PKHD1: variants seen among roughly 807,000 people sequenced by gnomAD.
PKHD1 encodes PKHD1 ciliary IPT domain containing fibrocystin/polyductin, also known as fibrocystin.
PKHD1 carries 291 observed loss-of-function variants against 412.0 expected under a neutral mutation model. That is an observed-to-expected ratio of 0.71 (90% CI 0.64 to 0.78). PKHD1 has a LOEUF of 0.78. Among genes scored for constraint, PKHD1 ranks in the 30% least tolerant of loss-of-function variants. PKHD1 has a pLI of 0.00. For synonymous variants in PKHD1, 1,777 were observed against 1,821.5 expected, an observed-to-expected ratio of 0.98 and a Z score of 0.62; for missense variants, 4,825 against 4,950.7, an observed-to-expected ratio of 0.97 and a Z score of 0.76.
intron 60 of PKHD1, among the ~76,000 whole-genome samples, chr6:51,671,335 C>T (rs997061778): frequency 9.9e-5 from 15 of 152,194 alleles, no homozygotes; most frequent in African/African-American, 3.1e-4. Context: ...TCCAGTTGAT[C>T]GCATCAGCTC....
chr6:52,010,175 A>C (rs1387914324), intron 35 of PKHD1, 134 bp downstream of exon 35: 1 of 741,260 alleles, frequency 1.3e-6, no homozygotes, highest in Admixed American at 2.2e-5. Context: ...GCATTAGACC[A>C]GCTTCTCAAA....
chr6:51,685,004 C>T (rs1777222396), intron 60 of PKHD1, among the ~76,000 whole-genome samples: 1 of 152,090 alleles, frequency 6.6e-6, no homozygotes, highest in African/African-American at 2.4e-5. Context: ...GGAAGTTTAT[C>T]ATTTCACCAA....
At chr6:51,634,793 C>T (rs1052945234) in intron 64 of PKHD1, among the ~76,000 whole-genome samples, 5 of 152,146 alleles carry the variant, frequency 3.3e-5, no homozygotes, top group East Asian at 3.9e-4. Context: ...AGGAGACTTA[C>T]GCAGGAAAGT....
At position 52,058,469 on chromosome 6, in the gene PKHD1, C is replaced by A; in HGVS notation, c.1366G>T (p.Ala456Ser). ...LLGGAMYYLEAEHHGIAPSRG... is the reference protein window; with the variant it reads ...LLGGAMYYLESEHHGIAPSRG... ...CTTGGGGCTATCCCATGATGCTCTG[C>A]TTCCAGGTAGTACATGGCTCCACCC... Residue 456 changes from alanine (A) to serine (S), a missense_variant, in exon 16 of 67, where the codon GCA becomes TCA. Transcript: ENST00000371117. The A allele has an allele frequency of 6.2e-7, 1 of 1,614,188 alleles. No homozygotes were observed. Among genetic ancestry groups the A allele is most frequent in the African/African-American group, 1.3e-5 (1 of 75,056 alleles).
chr6:51,989,901 GAGGAAGGA>G (rs1562072321), intron 35 of PKHD1, among the ~76,000 whole-genome samples: 5 of 2,724 alleles, frequency 1.8e-3, no homozygotes, highest in South Asian at 0.02. Flanking sequence ...AGGAAGGAGG[GAGGAAGGA>G]AGGAAGGAAG....
chr6:51,891,179 C>T (rs1419549121), intron 43 of PKHD1, among the ~76,000 whole-genome samples: 4 of 152,196 alleles, frequency 2.6e-5, no homozygotes, highest in African/African-American at 9.7e-5. Flanking sequence ...AAACTCATTT[C>T]ATCCTATGGC....
At chr6:51,885,821 T>C in intron 45 of PKHD1, 46 bp downstream of exon 45, 2 of 1,243,136 alleles carry the variant, frequency 1.6e-6, no homozygotes, top group Non-Finnish European at 2.3e-6. Flanking sequence ...GTGACAGTTT[T>C]AATTTTAAAA....
intron 37 of PKHD1, among the ~76,000 whole-genome samples, chr6:51,920,211 CA>C (rs1784472881): frequency 1.3e-5 from 2 of 152,222 alleles, no homozygotes; most frequent in Non-Finnish European, 2.9e-5. Context: ...TGCCAGTTTT[CA>C]AAGGGAATGC....
intron 60 of PKHD1, among the ~76,000 whole-genome samples, chr6:51,679,624 G>GCC (rs1776353748): frequency 6.6e-6 from 1 of 151,990 alleles, no homozygotes; most frequent in African/African-American, 2.4e-5. Flanking sequence ...AACTCAGGTA[G>GCC]TCAAGAATTT....
intron 34 of PKHD1, among the ~76,000 whole-genome samples, chr6:52,012,626 C>T (rs865776271): frequency 1.3e-5 from 2 of 152,200 alleles, no homozygotes; most frequent in Admixed American, 6.5e-5. Context: ...GTGATGGAAT[C>T]AAATGCAAAA....
chr6:51,874,328 C>T (rs1291667345), intron 46 of PKHD1, among the ~76,000 whole-genome samples: 2 of 152,090 alleles, frequency 1.3e-5, no homozygotes, highest in African/African-American at 4.8e-5. Flanking sequence ...AATGCTGGGA[C>T]AATAGGTATA....
intron 60 of PKHD1, among the ~76,000 whole-genome samples, chr6:51,739,656 G>A (rs890192750): frequency 6.6e-6 from 1 of 152,184 alleles, no homozygotes; most frequent in Non-Finnish European, 1.5e-5. Flanking sequence ...TAGTTTCCAT[G>A]CTTAGAGACG....
At chr6:51,983,619 G>GA (rs1795851737) in intron 35 of PKHD1, among the ~76,000 whole-genome samples, 1 of 152,190 alleles carries the variant, frequency 6.6e-6, no homozygotes, top group African/African-American at 2.4e-5. Context: ...AAACAAACTC[G>GA]AAGCGGAGGT....
At chr6:51,892,447 A>C (rs1278300277) in intron 43 of PKHD1, among the ~76,000 whole-genome samples, 1 of 152,226 alleles carries the variant, frequency 6.6e-6, no homozygotes, top group African/African-American at 2.4e-5. Context: ...AGGATGAAGA[A>C]GAGAGAAGAG....
rs1562140771 is a variant in PKHD1 at position 52,017,545 on chromosome 6, GT to G, written c.5464del (p.Thr1822GlnfsTer152). ...CAGTTGCTCTGTCGCCATGGCAACT[GT>G]CAAATCACACTGCACATAGGTGTGT... ...ARHTYVQCDL[T>X]VAMATEQLLE... On this transcript the variant is annotated frameshift_variant, in exon 34 of 67. Coordinates refer to ENST00000371117, the MANE Select transcript of PKHD1 (RefSeq NM_138694.4). LOFTEE classifies it high-confidence loss of function. 1 of 1,614,120 alleles carries G rather than the reference GT, an allele frequency of 6.2e-7. No individual in the cohort carries two copies. Among genetic ancestry groups the G allele is most frequent in the Non-Finnish European group, 8.5e-7 (1 of 1,179,952 alleles).
chr6:51,929,407 A>G (rs1485969795), intron 37 of PKHD1, among the ~76,000 whole-genome samples: 1 of 152,200 alleles, frequency 6.6e-6, no homozygotes, highest in Non-Finnish European at 1.5e-5. Context: ...ACAAATATAT[A>G]ACAGATAAAA....
intron 55 of PKHD1, among the ~76,000 whole-genome samples, chr6:51,758,998 C>G (rs1197692857): frequency 6.6e-6 from 1 of 152,104 alleles, no homozygotes; most frequent in Non-Finnish European, 1.5e-5. Context: ...GTACATATCA[C>G]AAAACATGCC....
Position 51,648,649 on chromosome 6 carries a change from A to G in PKHD1, c.11310+436T>C, listed in dbSNP as rs1316232738. ...ACAAAGACTGAAATTAGAATTAAGC[A>G]CAGAAACTTCTTGTTTTACTTAATC... On this transcript the variant is annotated intron_variant, in intron 62 of 66. Coordinates refer to ENST00000371117, the MANE Select transcript of PKHD1 (RefSeq NM_138694.4). Among the ~76,000 whole-genome samples the G allele has an allele frequency of 3.9e-5, 6 of 152,384 alleles. No homozygotes were observed. In the South Asian group the frequency reaches 6.2e-4, roughly 16 times the overall value.
chr6:51,676,484 T>C (rs1227713409), intron 60 of PKHD1, among the ~76,000 whole-genome samples: 1 of 152,154 alleles, frequency 6.6e-6, no homozygotes, highest in Admixed American at 6.5e-5. Context: ...TTTTGTAATA[T>C]ATTTCACAAT....
Sources: allele counts gnomAD v4.1 joint callset (sites outside exome capture counted in the v4.1 genomes callset), GRCh38; gene constraint gnomAD v4.1.1; transcripts MANE v1.5; gene names NCBI Gene and HGNC (gene_info 2026-07-23, HGNC 2026-07-21).